Variants in RIMS2 observed in about 807,000 individuals in gnomAD.
RIMS2 encodes regulating synaptic membrane exocytosis protein 2.
A neutral mutation model predicts 174.4 loss-of-function variants in RIMS2; 59 were observed. That is an observed-to-expected ratio of 0.34 (90% CI 0.27 to 0.42). The LOEUF is 0.42. RIMS2 is among the 10% of genes least tolerant of loss of function. The pLI is 1.00. For synonymous variants in RIMS2, 606 were observed against 572.5 expected (o/e 1.06, Z -0.84); for missense variants, 1,620 against 1,666.3 (o/e 0.97, Z 0.48).
intron 10 of RIMS2, chr8:103,921,986 A>T: frequency 3.2e-6 from 1 of 308,774 alleles, no homozygotes; most frequent in Non-Finnish European, 6.0e-6. Context: ...ATTTACTGAA[A>T]TTTAATAAAA....
At chr8:103,739,097 C>G (rs28840419) in intron 2 of RIMS2, among the ~76,000 whole-genome samples, 1,769 of 152,226 alleles carry the variant, frequency 0.012, 33 homozygotes, top group African/African-American at 0.039. Flanking sequence ...TATTGTGGCA[C>G]TATTCACAAT....
chr8:103,936,688 G>T (rs766328696), exon 13 of RIMS2: 1 of 1,608,794 alleles, frequency 6.2e-7, no homozygotes, highest in Non-Finnish European at 8.5e-7. Context: ...GATCAAGCTC[G>T]TGTTCGAGAG....
At chr8:103,548,759 C>A (rs1318267232) in intron 1 of RIMS2, among the ~76,000 whole-genome samples, 2 of 151,942 alleles carry the variant, frequency 1.3e-5, no homozygotes, top group Admixed American at 6.6e-5. Context: ...TGATTCTATA[C>A]CTAGAAAACA....
chr8:103,562,689 G>A (rs1484829016), intron 1 of RIMS2, among the ~76,000 whole-genome samples: 1 of 152,192 alleles, frequency 6.6e-6, no homozygotes. Flanking sequence ...ACTAGGCGGT[G>A]CCTCAATAGG....
At chr8:104,083,506 A>C (rs901009994) in intron 19 of RIMS2, among the ~76,000 whole-genome samples, 10 of 152,206 alleles carry the variant, frequency 6.6e-5, no homozygotes, top group African/African-American at 2.4e-4. Flanking sequence ...CATAAAAATC[A>C]TATAATCCAT....
chr8:104,023,237 G>C (rs1428793092), intron 19 of RIMS2, among the ~76,000 whole-genome samples: 1 of 151,586 alleles, frequency 6.6e-6, no homozygotes, highest in African/African-American at 2.4e-5. Flanking sequence ...TTAGGATTTT[G>C]GTTTTTATCA....
intron 3 of RIMS2, among the ~76,000 whole-genome samples, chr8:103,874,891 A>G (rs1162294095): frequency 6.6e-6 from 1 of 152,056 alleles, no homozygotes; most frequent in Non-Finnish European, 1.5e-5. Context: ...GCTCAGCCTC[A>G]CCAGCATCTG....
At chr8:104,014,586 A>G in exon 19 of RIMS2, 1 of 1,612,314 alleles carries the variant, frequency 6.2e-7, no homozygotes, top group Non-Finnish European at 8.5e-7. Flanking sequence ...CAGCTTCCAC[A>G]GCTTCCACCA....
intron 3 of RIMS2, among the ~76,000 whole-genome samples, chr8:103,855,214 T>A (rs1335815228): frequency 6.6e-6 from 1 of 152,262 alleles, no homozygotes; most frequent in Non-Finnish European, 1.5e-5. Flanking sequence ...GTCATCTTTA[T>A]CATTTCTGAT....
chr8:103,694,724 GGAGGCTGGTTCT>G (rs1253859868), intron 1 of RIMS2, among the ~76,000 whole-genome samples: 2 of 152,286 alleles, frequency 1.3e-5, no homozygotes, highest in African/African-American at 4.8e-5. Flanking sequence ...AGGCTTGTCT[GGAGGCTGGTTCT>G]GAGGGTGCTA....
chr8:103,536,451 G>A (rs1839794115), intron 1 of RIMS2, among the ~76,000 whole-genome samples: 1 of 152,070 alleles, frequency 6.6e-6, no homozygotes, highest in Admixed American at 6.5e-5. Flanking sequence ...TTCTTGCATT[G>A]CTGTAAAGGA....
rs138450753 is a variant in RIMS2, at chr8:104,118,406, G to T, written c.3334+103791G>T. ...TTTTGAGACAGGGTCTTGTTCTGTC[G>T]CCCAGGCTGGAGTGTAGTGGCGCAA... On this transcript the variant is annotated intron_variant, in intron 19 of 23. Coordinates refer to ENST00000504942, the Ensembl canonical transcript of RIMS2. 3.0e-3 allele frequency among the ~76,000 whole-genome samples: 414 copies of T among 137,576 alleles called. 5 individuals carry two copies. The South Asian group carries it at 0.038, about 12-fold the overall frequency. 90.3% of individuals were successfully genotyped at this position (137,576 alleles called of 152,430 possible). A position where few individuals can be genotyped will look rare whatever the true frequency, so the allele number is the denominator to read the frequency against.
intron 1 of RIMS2, among the ~76,000 whole-genome samples, chr8:103,586,378 T>C (rs2093921782): frequency 6.6e-6 from 1 of 152,086 alleles, no homozygotes; most frequent in African/African-American, 2.4e-5. Flanking sequence ...ATTCAAAACA[T>C]TGAAATCATA....
In RIMS2 at chr8:103,502,285, TAAAG is replaced by T. The variant is rs773326162; in HGVS notation, c.176+1227_176+1230del. ...AATTTAGTAGTCTTTCATGTACTAATAAAGAAACAGGTTTCATTGTCAATAGGTA... is the reference window on the plus strand; with the variant it reads ...AATTTAGTAGTCTTTCATGTACTAATAAACAGGTTTCATTGTCAATAGGTA... On this transcript the variant is annotated intron_variant, in intron 1 of 23. Coordinates refer to ENST00000504942, the Ensembl canonical transcript of RIMS2. Among the ~76,000 whole-genome samples the T allele has an allele frequency of 3.3e-5, 5 of 152,206 alleles. No individual in the cohort carries two copies. In the South Asian group the frequency reaches 6.2e-4, roughly 19 times the overall value.
At chr8:103,689,574 C>G (rs955325979) in intron 1 of RIMS2, among the ~76,000 whole-genome samples, 1 of 152,084 alleles carries the variant, frequency 6.6e-6, no homozygotes, top group Non-Finnish European at 1.5e-5. Flanking sequence ...TTGTTATATA[C>G]TTTTGCTGAA....
chr8:103,843,991 A>G (rs1322217806), intron 3 of RIMS2, among the ~76,000 whole-genome samples: 1 of 152,186 alleles, frequency 6.6e-6, no homozygotes, highest in African/African-American at 2.4e-5. Context: ...CATGATAGCA[A>G]ATAAGTCTCA....
intron 19 of RIMS2, among the ~76,000 whole-genome samples, chr8:104,119,046 C>A (rs1446713280): frequency 1.3e-5 from 2 of 151,962 alleles, no homozygotes; most frequent in Non-Finnish European, 2.9e-5. Flanking sequence ...TGTGTCCGGG[C>A]ACGGACACGT....
At chr8:104,123,038 G>A (rs535588073) in intron 19 of RIMS2, among the ~76,000 whole-genome samples, 6 of 152,030 alleles carry the variant, frequency 3.9e-5, no homozygotes, top group Admixed American at 2.0e-4. Context: ...CATTGTTGCC[G>A]TGTTATTTTT....
intron 3 of RIMS2, among the ~76,000 whole-genome samples, chr8:103,788,969 C>T (rs912071765): frequency 6.3e-5 from 9 of 143,352 alleles, no homozygotes; most frequent in East Asian, 3.9e-4. Context: ...GATATAATCT[C>T]GTGGTGCGCC....
Sources: allele counts gnomAD v4.1 joint callset (sites outside exome capture counted in the v4.1 genomes callset), GRCh38; gene constraint gnomAD v4.1.1; transcripts MANE v1.5; gene names NCBI Gene and HGNC (gene_info 2026-07-23, HGNC 2026-07-21).